CCDC138: variants seen among roughly 807,000 people sequenced by gnomAD.
The protein encoded by CCDC138 is coiled-coil domain containing 138.
In CCDC138, 66 loss-of-function variants were observed where a neutral mutation model predicts 82.3. That is an observed-to-expected ratio of 0.80 (90% CI 0.66 to 0.98). The LOEUF is 0.98. Among genes scored for constraint, CCDC138 ranks in the 50% least tolerant of loss-of-function variants. CCDC138 has a pLI of 0.00. For synonymous variants in CCDC138, 297 were observed against 265.4 expected (o/e 1.12, Z -1.16); for missense variants, 816 against 758.9 (o/e 1.08, Z -0.88).
intron 12 of CCDC138, 42 bp downstream of exon 12, chr2:108,846,972 T>C (rs376403006): frequency 4.8e-5 from 52 of 1,086,690 alleles, no homozygotes; most frequent in Non-Finnish European, 7.2e-5. Flanking sequence ...TGAGAAACAA[T>C]AGAGAATATC....
intron 13 of CCDC138, among the ~76,000 whole-genome samples, chr2:108,866,919 A>G (rs896254566): frequency 4.6e-5 from 7 of 151,992 alleles, no homozygotes; most frequent in African/African-American, 1.7e-4. Context: ...ATATTACCTT[A>G]TTATAAATTC....
At chr2:108,811,052 C>G (rs1048692409) in intron 7 of CCDC138, among the ~76,000 whole-genome samples, 1 of 151,274 alleles carries the variant, frequency 6.6e-6, no homozygotes, top group Non-Finnish European at 1.5e-5. Flanking sequence ...TTTTTGTTTC[C>G]GATTTTTCCG....
intron 10 of CCDC138, among the ~76,000 whole-genome samples, chr2:108,831,700 T>TCTTCCTTCCTTCCTTC (rs71383803): frequency 0.12 from 17,093 of 145,116 alleles, 1,273 homozygotes; most frequent in Middle Eastern, 0.19. Flanking sequence ...TGGCACAGAA[T>TCTTCCTTCCTTCCTTC]CTTCCTTCCT....
chr2:108,856,003 G>T (rs138779834), intron 12 of CCDC138, among the ~76,000 whole-genome samples: 12 of 151,996 alleles, frequency 7.9e-5, no homozygotes, highest in Non-Finnish European at 4.4e-5. Flanking sequence ...CTTGATTATT[G>T]TACATTAAAA....
Position 108,839,265 on chromosome 2 carries a change from A to C in CCDC138, c.1287A>C (p.Ile429=), listed in dbSNP as rs574761772. Residue 429 remains isoleucine, a synonymous_variant, in exon 11 of 15, where the codon ATA becomes ATC. Transcript: ENST00000295124. ...IKLHEPFVKF[I]YWSLRQLDAG... is the part of the protein sequence containing the mutation. ...TTCACGAGCCTTTTGTAAAATTTAT[A>C]TATTGGTCCCTAAGGCAGCTAGATG... 6.2e-7 allele frequency: 1 copy of C among 1,612,808 alleles called. No homozygotes were observed. The highest frequency in any genetic ancestry group is 1.3e-5 in the African/African-American group (1 of 74,984).
intron 10 of CCDC138, among the ~76,000 whole-genome samples, chr2:108,837,420 G>A (rs958882749): frequency 6.6e-5 from 10 of 151,994 alleles, no homozygotes; most frequent in East Asian, 3.9e-4. Flanking sequence ...TTAATATACC[G>A]CCATGCACTG....
intron 11 of CCDC138, among the ~76,000 whole-genome samples, chr2:108,839,524 A>T (rs1213537037): frequency 6.6e-6 from 1 of 152,146 alleles, no homozygotes; most frequent in African/African-American, 2.4e-5. Flanking sequence ...ATGAACATAA[A>T]ATGTCTGTCC....
chr2:108,877,764 T>C (rs1455114058), downstream of CCDC138, among the ~76,000 whole-genome samples: 1 of 152,166 alleles, frequency 6.6e-6, no homozygotes, highest in African/African-American at 2.4e-5. Context: ...AAGAACTGCA[T>C]GTACAGATTG....
chr2:108,806,400 TA>T (rs1215763853), intron 7 of CCDC138, among the ~76,000 whole-genome samples: 2 of 152,220 alleles, frequency 1.3e-5, no homozygotes. Context: ...TGTGGATTAT[TA>T]AATATTTGGA....
chr2:108,813,141 C>T lies in CCDC138; in HGVS notation c.1041+214C>T, dbSNP rs146233547. On this transcript the variant is annotated intron_variant, in intron 9 of 14. Coordinates refer to ENST00000295124, the MANE Select transcript of CCDC138 (RefSeq NM_144978.3). ...GCACACGCCTGTAGTCCCAGCTACT[C>T]GAGAGGCTGAGGCAGGAGAATTGCT... Among the ~76,000 whole-genome samples, 686 of 145,524 alleles carry T rather than the reference C, an allele frequency of 4.7e-3. 4 individuals are homozygous for T. Among genetic ancestry groups the T allele is most frequent in the African/African-American group, 0.016 (653 of 39,978 alleles).
intron 11 of CCDC138, among the ~76,000 whole-genome samples, chr2:108,841,942 T>G (rs1689555276): frequency 6.6e-6 from 1 of 152,190 alleles, no homozygotes; most frequent in South Asian, 2.1e-4. Context: ...GGTATTACAT[T>G]TGTTTTAATT....
chr2:108,848,317 T>G (rs940925055), intron 12 of CCDC138, among the ~76,000 whole-genome samples: 1 of 152,174 alleles, frequency 6.6e-6, no homozygotes, highest in Non-Finnish European at 1.5e-5. Flanking sequence ...TCACCACTTG[T>G]GTGCAGCAGT....
At chr2:108,820,236 C>T (rs77048485) in intron 10 of CCDC138, among the ~76,000 whole-genome samples, 5,678 of 152,000 alleles carry the variant, frequency 0.037, 148 homozygotes, top group Non-Finnish European at 0.056. Flanking sequence ...GGTGCGACCC[C>T]GTGCCTACAA....
chr2:108,844,359 A>T (rs1690083348), intron 11 of CCDC138, among the ~76,000 whole-genome samples: 1 of 152,026 alleles, frequency 6.6e-6, no homozygotes, highest in Non-Finnish European at 1.5e-5. Flanking sequence ...TCTGTTATTG[A>T]GACTGTTATT....
rs200953529 is a variant in CCDC138 at position 108,788,042 on chromosome 2, C to G, written c.104C>G (p.Ser35Ter). ...GGSCPDEYDF[S>*]NFYQSKYKRR... ...TCTTTTTTTTTTTAGTATGATTTTT[C>G]AAATTTTTATCAGTCTAAGTATAAG... The change falls in exon 2 of 15, where the codon TCA becomes TGA. Residue 35 changes from serine to a stop codon, truncating the protein, a stop_gained. Transcript: ENST00000295124. LOFTEE classifies it high-confidence loss of function. 22 of 1,545,660 alleles carry G rather than the reference C, an allele frequency of 1.4e-5. No individual in the cohort carries two copies. The highest frequency in any genetic ancestry group is 1.5e-5 in the Non-Finnish European group (17 of 1,144,882).
chr2:108,793,079 C>G (rs1182734848), intron 4 of CCDC138, among the ~76,000 whole-genome samples: 1 of 143,456 alleles, frequency 7.0e-6, no homozygotes, highest in African/African-American at 2.6e-5. Flanking sequence ...AAAGCAAGGC[C>G]GGGCACGGTG....
chr2:108,787,217 T>C (rs1388823898), intron 1 of CCDC138, among the ~76,000 whole-genome samples: 1 of 152,212 alleles, frequency 6.6e-6, no homozygotes, highest in East Asian at 1.9e-4. Context: ...GTGAAAACAA[T>C]TGAATTGCTT....
intron 10 of CCDC138, among the ~76,000 whole-genome samples, chr2:108,834,745 A>G (rs921625563): frequency 6.6e-6 from 1 of 152,148 alleles, no homozygotes; most frequent in African/African-American, 2.4e-5. Flanking sequence ...CCGTTTAACA[A>G]TATCTTCCCA....
chr2:108,843,876 G>GTGTGTGTGTGTGTGTGTGT (rs1187530203), intron 11 of CCDC138, among the ~76,000 whole-genome samples: 1 of 13,866 alleles, frequency 7.2e-5, no homozygotes, highest in African/African-American at 9.6e-5. Context: ...GTGTGTGTGT[G>GTGTGTGTGTGTGTGTGTGT]TGTTTCTTTC....
Sources: gnomAD v4.1 joint callset for allele counts (sites outside exome capture counted in the v4.1 genomes callset) on GRCh38, gnomAD v4.1.1 for gene constraint, MANE v1.5 for transcripts, NCBI Gene and HGNC (gene_info 2026-07-23, HGNC 2026-07-21) for gene names.